NDRG4: variants seen among roughly 807,000 people sequenced by gnomAD.
NDRG4 encodes the protein NDRG family member 4.
In NDRG4, 38 loss-of-function variants were observed where a neutral mutation model predicts 55.8. The observed-to-expected ratio is 0.68, with a 90% CI of 0.53 to 0.89. The LOEUF (loss-of-function observed/expected upper bound fraction) is 0.89. Among genes scored for constraint, NDRG4 ranks in the 40% least tolerant of loss-of-function variants. NDRG4 has a pLI of 0.00. For synonymous variants in NDRG4, 190 were observed against 182.7 expected (o/e 1.04, Z -0.32); for missense variants, 455 against 468.6 (o/e 0.97, Z 0.27).
In NDRG4 at chr16:58,471,207, T is replaced by TTC. The variant is rs1555526228; in HGVS notation, c.-24+7411_-24+7412insCT. Among the ~76,000 whole-genome samples the TTC allele has an allele frequency of 3.7e-4, 49 of 132,384 alleles. 2 individuals carry two copies. The highest frequency in any genetic ancestry group is 2.5e-3 in the East Asian group (11 of 4,486). 86.8% of individuals were successfully genotyped at this position (132,384 alleles called of 152,430 possible). Reference sequence around the variant, plus strand: ...GTTGCTTTTTTTTTTTTTTTTTTTTTTTTTTGGAGACAGGGTCGTACTCTG... The same window carrying TTC: ...GTTGCTTTTTTTTTTTTTTTTTTTTTTCTTTTTGGAGACAGGGTCGTACTCTG... On this transcript the variant is annotated intron_variant, in intron 1 of 15. Transcript: ENST00000258187.
In NDRG4 at chr16:58,465,761, A is replaced by G. The variant is rs73558470; in HGVS notation, c.-24+1964A>G. ...AAAAAAATAAATAAATAAATCAGCAATAGCTCGTGACAGACTTGTAGAGAA... is the reference window on the plus strand; with the variant it reads ...AAAAAAATAAATAAATAAATCAGCAGTAGCTCGTGACAGACTTGTAGAGAA... On this transcript the variant is annotated intron_variant, in intron 1 of 15. Transcript: ENST00000258187. Among the ~76,000 whole-genome samples, 781 of 152,284 alleles carry G rather than the reference A, an allele frequency of 5.1e-3. 11 individuals are homozygous for G. The highest frequency in any genetic ancestry group is 0.018 in the African/African-American group (763 of 41,548).
At chr16:58,486,002 T>C (rs1053769724) in intron 1 of NDRG4, among the ~76,000 whole-genome samples, 1 of 152,176 alleles carries the variant, frequency 6.6e-6, no homozygotes, top group Admixed American at 6.6e-5. Context: ...TCTGAGAGTA[T>C]GAACCTTTTA....
At chr16:58,501,770 G>C (rs1041852850) in intron 1 of NDRG4, 8 of 332,936 alleles carry the variant, frequency 2.4e-5, no homozygotes, top group Non-Finnish European at 4.3e-5. Context: ...CAGGGGGATG[G>C]GGACAGGGGC....
chr16:58,492,875 C>G (rs1221673814), intron 2 of NDRG4, among the ~76,000 whole-genome samples: 2 of 152,036 alleles, frequency 1.3e-5, no homozygotes, highest in Non-Finnish European at 2.9e-5. Flanking sequence ...CCCTTGTCCT[C>G]CCCCTCCAGC....
At position 58,506,542 on chromosome 16, in the gene NDRG4, G is replaced by A. The variant is rs774617267; in HGVS notation, c.460-16G>A. ...GGTGAGGGGCGGCACTCACGCTGGCGCCCTGCTCCCTGCAGCTCTCCGGCC... is the reference window on the plus strand; with the variant it reads ...GGTGAGGGGCGGCACTCACGCTGGCACCCTGCTCCCTGCAGCTCTCCGGCC... On this transcript the variant is annotated splice_polypyrimidine_tract_variant and intron_variant, in intron 6 of 14. Coordinates refer to ENST00000570248, the MANE Select transcript of NDRG4 (RefSeq NM_001242835.2). 1.4e-5 allele frequency: 22 copies of A among 1,599,162 alleles called. No homozygotes were observed. The highest frequency in any genetic ancestry group is 8.9e-5 in the East Asian group (4 of 44,702).
Position 58,504,228 on chromosome 16 carries a change from G to A in NDRG4, c.202G>A (p.Val68Met), listed in dbSNP as rs753975630. Residue 68 changes from valine to methionine, a missense_variant, in exon 3 of 15, where the codon GTG becomes ATG. Coordinates refer to ENST00000570248, the MANE Select transcript of NDRG4 (RefSeq NM_001242835.2). ...CACCAAGCACTTTGTGGTGTGTCACGTGGATGCCCCTGGACAACAGGTGGG... is the reference window on the plus strand; with the variant it reads ...CACCAAGCACTTTGTGGTGTGTCACATGGATGCCCCTGGACAACAGGTGGG... ...EITKHFVVCHVDAPGQQVGAS... is the reference protein window; with the variant it reads ...EITKHFVVCHMDAPGQQVGAS... The A allele has an allele frequency of 4.4e-5, 71 of 1,614,058 alleles. No individual in the cohort carries two copies. The highest frequency in any genetic ancestry group is 2.7e-4 in the East Asian group (12 of 44,884).
rs919231757 is a variant in NDRG4, at chr16:58,471,588, A to G, written c.-24+7791A>G. On this transcript the variant is annotated intron_variant, in intron 1 of 15. Coordinates refer to the NDRG4 transcript ENST00000258187. ...AGCATAAACCTGGTCTCACAGAGCC[A>G]GGAAAGCTGTCATCATACACCACCC... 2.8e-5 allele frequency among the ~76,000 whole-genome samples: 4 copies of G among 143,938 alleles called. No individual in the cohort carries two copies. The East Asian group carries it at 5.8e-4, about 21-fold the overall frequency. The allele number at this position is 143,938 out of a possible 152,430, so 94.4% of individuals were successfully genotyped here. A position where few individuals can be genotyped will look rare whatever the true frequency, so the allele number is the denominator to read the frequency against.
chr16:58,488,151 G>C (rs2035341497), intron 2 of NDRG4, among the ~76,000 whole-genome samples: 1 of 152,234 alleles, frequency 6.6e-6, no homozygotes, highest in African/African-American at 2.4e-5. Context: ...CACAGCTAGT[G>C]GGGAATGAGG....
chr16:58,472,547 C>T (rs1168214865), intron 1 of NDRG4, among the ~76,000 whole-genome samples: 3 of 152,158 alleles, frequency 2.0e-5, no homozygotes, highest in African/African-American at 4.8e-5. Context: ...ACCCGACCCC[C>T]TGGGACCATG....
intron 13 of NDRG4, 151 bp from the exon 14 acceptor site, chr16:58,510,494 A>T: frequency 4.5e-6 from 3 of 665,994 alleles, no homozygotes; most frequent in Admixed American, 2.5e-5. Context: ...GGCTTCCAGA[A>T]GCCTCTGGCC....
intron 1 of NDRG4, among the ~76,000 whole-genome samples, chr16:58,471,336 C>T (rs2032787048): frequency 3.9e-5 from 6 of 151,900 alleles, no homozygotes; most frequent in Admixed American, 3.9e-4. Flanking sequence ...AGGAAACCAG[C>T]AGGGGTGTGT....
intron 8 of NDRG4, 127 bp from the exon 9 acceptor site, chr16:58,507,681 C>G: frequency 1.1e-6 from 1 of 880,460 alleles, no homozygotes; most frequent in Non-Finnish European, 1.8e-6. Context: ...CAGGGAGCCT[C>G]CAGTTCATTT....
chr16:58,509,445 G>A, intron 13 of NDRG4, 93 bp downstream of exon 13: 1 of 1,348,898 alleles, frequency 7.4e-7, no homozygotes, highest in Non-Finnish European at 1.0e-6. Flanking sequence ...CTGGCACGTG[G>A]TGTCAGGTGG....
intron 8 of NDRG4, 105 bp from the exon 9 acceptor site, chr16:58,507,703 G>A: frequency 9.2e-7 from 1 of 1,086,602 alleles, no homozygotes; most frequent in Non-Finnish European, 1.4e-6. Context: ...TGCAGAGCAG[G>A]TCCACGCCTC....
intron 14 of NDRG4, 85 bp from the exon 15 acceptor site, chr16:58,511,337 C>G: frequency 1.4e-6 from 2 of 1,443,550 alleles, no homozygotes; most frequent in South Asian, 2.7e-5. Context: ...GGTTCGCTGG[C>G]CGCTTTGCTT....
In NDRG4 at chr16:58,464,253, G is replaced by A; in HGVS notation, c.-24+456G>A. ...TTGGTGGATTTTTTTAAACCGTTTT[G>A]GAGGGGGGAGCGCGGCGTTGGGGGC... is the stretch of plus-strand genomic sequence containing the variant. On this transcript the variant is annotated intron_variant, in intron 1 of 15. Transcript: ENST00000258187. This position sits in a 1 kb window ranked among gnomAD's most constrained non-coding sequence, Gnocchi z 4.8. The A allele has an allele frequency of 2.2e-6, 1 of 458,964 alleles. No individual in the cohort carries two copies. The highest frequency in any genetic ancestry group is 3.6e-6 in the Non-Finnish European group (1 of 275,914). The allele number at this position is 458,964 out of a possible 1,614,324, so 28.4% of individuals were successfully genotyped here. A position where few individuals can be genotyped will look rare whatever the true frequency, so the allele number is the denominator to read the frequency against.
chr16:58,489,368 A>C (rs1017533228), intron 2 of NDRG4, among the ~76,000 whole-genome samples: 1 of 151,958 alleles, frequency 6.6e-6, no homozygotes, highest in African/African-American at 2.4e-5. Context: ...TGCAATCTGC[A>C]CCAGCTCCCC....
In NDRG4 at chr16:58,493,899, C is replaced by A. The variant is rs569673099; in HGVS notation, c.73-1065C>A. On this transcript the variant is annotated intron_variant, in intron 2 of 15. Transcript: ENST00000258187. ...GTTGTACAGATGGGGAGACGGGGAC[C>A]CAGAGTGGGTGAGTCGCACAGCCAG... Among the ~76,000 whole-genome samples, 12 of 152,224 alleles carry A rather than the reference C, an allele frequency of 7.9e-5. No homozygotes were observed. In the South Asian group the frequency reaches 2.5e-3, roughly 32 times the overall value.
At chr16:58,483,578 T>G (rs1442857814) in intron 1 of NDRG4, among the ~76,000 whole-genome samples, 1 of 152,154 alleles carries the variant, frequency 6.6e-6, no homozygotes, top group Non-Finnish European at 1.5e-5. Context: ...CCTCATCCCC[T>G]GTACCATCCC....
Sources: gnomAD v4.1 joint callset for allele counts (sites outside exome capture counted in the v4.1 genomes callset) on GRCh38, gnomAD v4.1.1 for gene constraint, Gnocchi (gnomAD v3.1) non-coding constraint, MANE v1.5 for transcripts, NCBI Gene and HGNC (gene_info 2026-07-23, HGNC 2026-07-21) for gene names.